SYT1: variants seen among roughly 807,000 people sequenced by gnomAD.
The protein encoded by SYT1 is synaptotagmin 1, also known as synaptotagmin-1.
A neutral mutation model predicts 44.8 loss-of-function variants in SYT1; 8 were observed. That is an observed-to-expected ratio of 0.18 (90% CI 0.10 to 0.32). SYT1 has a LOEUF of 0.32. SYT1 is among the 10% of genes least tolerant of loss of function. The pLI, the probability that SYT1 is intolerant of heterozygous loss-of-function variation, is 1.00. For missense variants in SYT1, 286 were observed against 509.3 expected (o/e 0.56, Z 4.22); for synonymous variants, 154 against 188.8 (o/e 0.82, Z 1.51).
intron 4 of SYT1, among the ~76,000 whole-genome samples, chr12:79,263,543 A>T (rs771562893): frequency 4.6e-5 from 7 of 152,058 alleles, no homozygotes; most frequent in Non-Finnish European, 1.0e-4. Flanking sequence ...TTGATTTAAG[A>T]AGCCACAAGT....
intron 9 of SYT1, among the ~76,000 whole-genome samples, chr12:79,357,360 GTTGA>G (rs1883152778): frequency 6.6e-6 from 1 of 152,148 alleles, no homozygotes; most frequent in Non-Finnish European, 1.5e-5. Flanking sequence ...GCAGTCATGT[GTTGA>G]TTAACAACAG....
chr12:79,143,212 G>A lies in SYT1; in HGVS notation c.-17-74291G>A, dbSNP rs557707817. 7.9e-3 allele frequency among the ~76,000 whole-genome samples: 1,201 copies of A among 152,296 alleles called. 9 individuals carry two copies. Among genetic ancestry groups the A allele is most frequent in the Non-Finnish European group, 0.014 (949 of 68,008 alleles). ...TGTTACCATAGGAACAATGGTACTA[G>A]TAAGCATCATTTATACACACATAAC... On this transcript the variant is annotated intron_variant, in intron 3 of 10. Coordinates refer to ENST00000261205, the MANE Select transcript of SYT1 (RefSeq NM_005639.3).
At chr12:79,066,659 C>T (rs905196838) in intron 3 of SYT1, among the ~76,000 whole-genome samples, 3 of 151,666 alleles carry the variant, frequency 2.0e-5, no homozygotes, top group Non-Finnish European at 4.4e-5. Context: ...ATAATTAGTG[C>T]CTAATTAGAA....
intron 3 of SYT1, among the ~76,000 whole-genome samples, chr12:79,146,985 C>T (rs888363584): frequency 5.3e-5 from 8 of 151,964 alleles, no homozygotes; most frequent in South Asian, 2.1e-4. Context: ...GGATTACAGG[C>T]GCCCACCACC....
intron 3 of SYT1, among the ~76,000 whole-genome samples, chr12:79,125,895 T>C (rs1307072632): frequency 6.6e-6 from 1 of 152,152 alleles, no homozygotes; most frequent in Non-Finnish European, 1.5e-5. Context: ...CATCAATCAC[T>C]ACTTTCCTTA....
At chr12:79,308,920 A>G (rs1430543896) in intron 8 of SYT1, among the ~76,000 whole-genome samples, 1 of 152,268 alleles carries the variant, frequency 6.6e-6, no homozygotes, top group Non-Finnish European at 1.5e-5. Flanking sequence ...CAAGTTTTAT[A>G]GAATATCACT....
intron 8 of SYT1, among the ~76,000 whole-genome samples, chr12:79,332,705 T>C (rs1475280933): frequency 7.9e-5 from 12 of 152,232 alleles, no homozygotes; most frequent in African/African-American, 2.9e-4. Context: ...TGGTTCTTTT[T>C]AACCTGCTTT....
chr12:78,931,385 GAA>G (rs1491162761), intron 1 of SYT1, among the ~76,000 whole-genome samples: 30 of 113,080 alleles, frequency 2.7e-4, no homozygotes, highest in African/African-American at 9.8e-4. Flanking sequence ...AGGAAGGAAG[GAA>G]GGAAGGAAGG....
chr12:79,351,149 T>G (rs1882882638), intron 8 of SYT1, among the ~76,000 whole-genome samples: 1 of 152,206 alleles, frequency 6.6e-6, no homozygotes, highest in African/African-American at 2.4e-5. Context: ...TATTTTTCTC[T>G]TAAACACTCA....
At chr12:79,234,142 T>G (rs560233230) in intron 4 of SYT1, among the ~76,000 whole-genome samples, 1 of 152,206 alleles carries the variant, frequency 6.6e-6, no homozygotes, top group Admixed American at 6.5e-5. Context: ...GTGGGTACTC[T>G]CCAAGCCTCT....
At chr12:79,088,117 T>C (rs903142981) in intron 3 of SYT1, among the ~76,000 whole-genome samples, 11 of 152,072 alleles carry the variant, frequency 7.2e-5, no homozygotes, top group African/African-American at 2.7e-4. Flanking sequence ...GAGATTAATA[T>C]GTTATTAACA....
intron 3 of SYT1, among the ~76,000 whole-genome samples, chr12:79,193,639 A>G (rs1359969575): frequency 6.7e-6 from 1 of 150,356 alleles, no homozygotes; most frequent in Admixed American, 6.6e-5. Context: ...GTGGCAAAAG[A>G]ATCGTTCATG....
At chr12:78,962,306 G>T (rs1043315920) in intron 1 of SYT1, among the ~76,000 whole-genome samples, 1 of 150,374 alleles carries the variant, frequency 6.7e-6, no homozygotes, top group Admixed American at 6.6e-5. Context: ...TGCTTGGTAC[G>T]CAGTAATCAT....
At chr12:79,146,028 A>T (rs1241723501) in intron 3 of SYT1, among the ~76,000 whole-genome samples, 1 of 152,128 alleles carries the variant, frequency 6.6e-6, no homozygotes, top group African/African-American at 2.4e-5. Flanking sequence ...AAGTGCTGGG[A>T]TTACAGGCGT....
At chr12:79,385,381 G>A (rs1884396438) in intron 9 of SYT1, among the ~76,000 whole-genome samples, 1 of 152,074 alleles carries the variant, frequency 6.6e-6, no homozygotes, top group Non-Finnish European at 1.5e-5. Flanking sequence ...ATCAGTTACT[G>A]GAAATGCATT....
intron 4 of SYT1, among the ~76,000 whole-genome samples, chr12:79,230,986 A>G (rs543651503): frequency 6.6e-6 from 1 of 152,334 alleles, no homozygotes; most frequent in Non-Finnish European, 1.5e-5. Flanking sequence ...AGCAAACCAC[A>G]GACTACATTT....
chr12:79,050,888 A>T (rs941055972), intron 3 of SYT1, among the ~76,000 whole-genome samples: 7 of 152,080 alleles, frequency 4.6e-5, no homozygotes, highest in African/African-American at 1.7e-4. Flanking sequence ...TAAGCCTGTG[A>T]GTGTGTGTAA....
chr12:79,424,621 A>C (rs1426090545), intron 9 of SYT1, among the ~76,000 whole-genome samples: 3 of 152,048 alleles, frequency 2.0e-5, no homozygotes, highest in Non-Finnish European at 4.4e-5. Flanking sequence ...GAGGCTTTTT[A>C]AGGACTGCTG....
At chr12:79,295,985 C>A (rs1191167041) in intron 6 of SYT1, 84 bp from the exon 7 acceptor site, 2 of 1,387,292 alleles carry the variant, frequency 1.4e-6, no homozygotes, top group Admixed American at 2.4e-5. Context: ...GGAGAAATCC[C>A]AATATGCAGC....
Sources: allele counts gnomAD v4.1 joint callset (sites outside exome capture counted in the v4.1 genomes callset), GRCh38; gene constraint gnomAD v4.1.1; transcripts MANE v1.5; gene names NCBI Gene and HGNC (gene_info 2026-07-23, HGNC 2026-07-21).